The following RAB2A variants were observed in gnomAD, a reference collection of about 807,000 sequenced individuals.
RAB2A encodes ras-related protein Rab-2A.
Under a neutral mutation model 32.5 loss-of-function variants are expected in RAB2A, and 7 were observed. The observed-to-expected ratio is 0.22, with a 90% CI of 0.12 to 0.40. The LOEUF (loss-of-function observed/expected upper bound fraction) is 0.40, where lower values mean the gene tolerates loss of function less well. RAB2A is among the 10% of genes least tolerant of loss of function. The pLI is 1.00. For synonymous variants in RAB2A, 79 were observed against 85.2 expected (o/e 0.93, Z 0.40); for missense variants, 108 against 260.7 (o/e 0.41, Z 4.03).
chr8:60,609,382 G>A (rs530792986), intron 6 of RAB2A, among the ~76,000 whole-genome samples: 3 of 152,218 alleles, frequency 2.0e-5, no homozygotes, highest in South Asian at 2.1e-4. Flanking sequence ...CCTTATTCCT[G>A]TGTTGTCCTG....
chr8:60,577,103 TG>T (rs1426831790), intron 3 of RAB2A, among the ~76,000 whole-genome samples: 1 of 151,922 alleles, frequency 6.6e-6, no homozygotes, highest in African/African-American at 2.4e-5. Context: ...TGGAGTGCAG[TG>T]GTGTGATCAC....
upstream of RAB2A, chr8:60,516,960 C>T: frequency 7.6e-6 from 3 of 394,954 alleles, no homozygotes; most frequent in African/African-American, 2.1e-5. Flanking sequence ...GGCGCGGAGG[C>T]GGGGCGGAGG....
chr8:60,563,532 G>T (rs1219976369), intron 2 of RAB2A, among the ~76,000 whole-genome samples: 1 of 152,148 alleles, frequency 6.6e-6, no homozygotes, highest in African/African-American at 2.4e-5. Context: ...CACTTTATGT[G>T]CTTTGCCTTG....
chr8:60,619,902 G>A (rs7846100), intron 7 of RAB2A, among the ~76,000 whole-genome samples: 9,650 of 152,268 alleles, frequency 0.063, 801 homozygotes, highest in African/African-American at 0.19. Context: ...GAGCCATAGG[G>A]CATGCTTTTT....
At chr8:60,604,343 G>A (rs955905943) in intron 6 of RAB2A, among the ~76,000 whole-genome samples, 8 of 152,074 alleles carry the variant, frequency 5.3e-5, no homozygotes, top group Admixed American at 2.0e-4. Context: ...TTATAACAGC[G>A]GGAGAAAGGA....
chr8:60,536,993 G>T (rs1052117006), intron 1 of RAB2A, among the ~76,000 whole-genome samples: 57 of 152,266 alleles, frequency 3.7e-4, no homozygotes, highest in Non-Finnish European at 6.3e-4. Flanking sequence ...AAGTGTTCCA[G>T]ATTCTTCCCA....
intron 1 of RAB2A, chr8:60,552,812 A>T (rs142298683): frequency 1.3e-5 from 2 of 152,224 alleles, no homozygotes; most frequent in South Asian, 2.1e-4. Context: ...TCTCTCTCTT[A>T]TCAGTCAACA....
intron 3 of RAB2A, among the ~76,000 whole-genome samples, chr8:60,582,302 C>T (rs1193447348): frequency 6.6e-6 from 1 of 152,094 alleles, no homozygotes; most frequent in Non-Finnish European, 1.5e-5. Flanking sequence ...TGTGTGATGG[C>T]TTTCTCACTG....
intron 2 of RAB2A, among the ~76,000 whole-genome samples, chr8:60,563,666 A>T (rs1204033012): frequency 6.6e-6 from 1 of 152,200 alleles, no homozygotes; most frequent in Non-Finnish European, 1.5e-5. Flanking sequence ...ATCTGGAACC[A>T]TTTCAGAATT....
At chr8:60,589,372 A>C (rs896786003) in intron 5 of RAB2A, among the ~76,000 whole-genome samples, 3 of 152,208 alleles carry the variant, frequency 2.0e-5, no homozygotes, top group Admixed American at 2.0e-4. Context: ...AATAAATGAG[A>C]TGATTATTTT....
intron 1 of RAB2A, among the ~76,000 whole-genome samples, chr8:60,531,420 G>A (rs1807474396): frequency 6.6e-6 from 1 of 152,172 alleles, no homozygotes; most frequent in Admixed American, 6.5e-5. Context: ...CAATAGCAAT[G>A]CCTGGATTAT....
At chr8:60,588,405 T>G (rs1803882553) in intron 5 of RAB2A, among the ~76,000 whole-genome samples, 1 of 152,236 alleles carries the variant, frequency 6.6e-6, no homozygotes, top group African/African-American at 2.4e-5. Flanking sequence ...CCAGCTTTAT[T>G]TCTAATAGCC....
intron 1 of RAB2A, among the ~76,000 whole-genome samples, chr8:60,529,847 G>A (rs921083896): frequency 6.6e-6 from 1 of 152,176 alleles, no homozygotes; most frequent in African/African-American, 2.4e-5. Context: ...GCCTCCTTGA[G>A]CTGGGTGCTA....
In RAB2A at chr8:60,620,801, G is replaced by GC. The variant is rs761085996; in HGVS notation, c.*34dup. 6.3e-7 allele frequency: 1 copy of GC among 1,577,888 alleles called. No homozygotes were observed. Among genetic ancestry groups the GC allele is most frequent in the Non-Finnish European group, 8.6e-7 (1 of 1,160,640 alleles). ...TTTTACTGTCTAGCTGCCCAACGGG[G>GC]CCTACTCACTTATTCTTTCACCCCC... On this transcript the variant is annotated 3_prime_UTR_variant, in exon 8 of 8. Coordinates refer to ENST00000262646, the MANE Select transcript of RAB2A (RefSeq NM_002865.3).
intron 1 of RAB2A, among the ~76,000 whole-genome samples, chr8:60,534,654 G>A (rs780781451): frequency 6.6e-6 from 1 of 152,132 alleles, no homozygotes; most frequent in Non-Finnish European, 1.5e-5. Flanking sequence ...AAGGTTTGAT[G>A]ACTTTATACC....
At chr8:60,615,749 T>A (rs1310104604) in intron 6 of RAB2A, among the ~76,000 whole-genome samples, 3 of 152,198 alleles carry the variant, frequency 2.0e-5, no homozygotes, top group Admixed American at 6.5e-5. Context: ...CATGGCCACA[T>A]ATTTTATTGT....
chr8:60,598,957 A>G (rs1447614216), intron 6 of RAB2A, among the ~76,000 whole-genome samples: 2 of 148,816 alleles, frequency 1.3e-5, no homozygotes, highest in Admixed American at 6.6e-5. Flanking sequence ...AAAAAAAAAA[A>G]AAAAAAAAAG....
At chr8:60,524,278 C>T (rs1807345833) in intron 1 of RAB2A, among the ~76,000 whole-genome samples, 1 of 152,224 alleles carries the variant, frequency 6.6e-6, no homozygotes, top group Non-Finnish European at 1.5e-5. Context: ...CTCTCCTCCT[C>T]TTGCAGTAGC....
intron 2 of RAB2A, among the ~76,000 whole-genome samples, chr8:60,568,691 A>G (rs559473659): frequency 1.3e-5 from 2 of 152,334 alleles, no homozygotes; most frequent in Admixed American, 6.5e-5. Context: ...TATTCAGAGT[A>G]TTTGATTGTG....
Sources: allele counts gnomAD v4.1 joint callset (sites outside exome capture counted in the v4.1 genomes callset), GRCh38; gene constraint gnomAD v4.1.1; transcripts MANE v1.5; gene names NCBI Gene and HGNC (gene_info 2026-07-23, HGNC 2026-07-21).